Variants in AK8 observed in about 807,000 individuals in gnomAD.
AK8 encodes adenylate kinase 8.
AK8 carries 44 observed loss-of-function variants against 54.6 expected under a neutral mutation model. That is an observed-to-expected ratio of 0.81 (90% CI 0.63 to 1.04). The LOEUF is 1.04. Among genes scored for constraint, AK8 ranks in the 50% least tolerant of loss-of-function variants. AK8 has a pLI of 0.00. For missense variants in AK8, 555 were observed against 613.6 expected (o/e 0.90, Z 1.01); for synonymous variants, 239 against 245.6 (o/e 0.97, Z 0.25).
chr9:132,834,916 C>G (rs1318768961), intron 5 of AK8, among the ~76,000 whole-genome samples: 1 of 150,928 alleles, frequency 6.6e-6, no homozygotes, highest in East Asian at 1.9e-4. Flanking sequence ...GCCCAGACTG[C>G]TGGAGTGCAA....
chr9:132,802,318 G>A (rs1440072160), intron 10 of AK8, among the ~76,000 whole-genome samples: 1 of 152,236 alleles, frequency 6.6e-6, no homozygotes, highest in African/African-American at 2.4e-5. Flanking sequence ...CCCAGGGCAG[G>A]GGGCGGGAGG....
At chr9:132,838,016 C>T (rs1476471664) in intron 5 of AK8, among the ~76,000 whole-genome samples, 3 of 152,214 alleles carry the variant, frequency 2.0e-5, no homozygotes. Flanking sequence ...AGGCAAGTGA[C>T]ATCTATAAAC....
At chr9:132,754,752 A>G (rs764121497) in intron 11 of AK8, among the ~76,000 whole-genome samples, 67 of 151,896 alleles carry the variant, frequency 4.4e-4, no homozygotes, top group South Asian at 1.5e-3. Context: ...AACTACTTAA[A>G]GAAAAAGGCC....
chr9:132,726,547 C>T (rs1184254509), intron 12 of AK8, among the ~76,000 whole-genome samples: 7 of 152,142 alleles, frequency 4.6e-5, no homozygotes, highest in African/African-American at 1.7e-4. Flanking sequence ...GGATTACAGG[C>T]GTGAGCCACC....
intron 2 of AK8, among the ~76,000 whole-genome samples, chr9:132,869,887 G>A (rs17149881): frequency 0.097 from 14,741 of 151,908 alleles, 1,405 homozygotes; most frequent in African/African-American, 0.24. Flanking sequence ...TGGAGAGAGC[G>A]CCTGCTTGGC....
chr9:132,869,004 C>A (rs1843703658), intron 2 of AK8, among the ~76,000 whole-genome samples: 1 of 152,092 alleles, frequency 6.6e-6, no homozygotes, highest in African/African-American at 2.4e-5. Flanking sequence ...CATGGTGAAA[C>A]CCCATCTCTA....
At chr9:132,819,414 C>T (rs1252156232) in intron 9 of AK8, among the ~76,000 whole-genome samples, 1 of 152,138 alleles carries the variant, frequency 6.6e-6, no homozygotes, top group African/African-American at 2.4e-5. Context: ...GAACCAATCC[C>T]CCATGGATAC....
intron 5 of AK8, among the ~76,000 whole-genome samples, chr9:132,841,883 TCTC>T (rs1390988492): frequency 2.0e-5 from 3 of 151,710 alleles, no homozygotes; most frequent in Non-Finnish European, 4.4e-5. Context: ...AGACAGAAAA[TCTC>T]CTGGCATAGG....
chr9:132,819,443 A>G (rs1362165746), intron 9 of AK8, among the ~76,000 whole-genome samples: 1 of 152,238 alleles, frequency 6.6e-6, no homozygotes, highest in Admixed American at 6.5e-5. Flanking sequence ...GACAGTATGC[A>G]CTTAATGACA....
At chr9:132,745,073 C>G (rs1401063448) in intron 11 of AK8, among the ~76,000 whole-genome samples, 1 of 152,202 alleles carries the variant, frequency 6.6e-6, no homozygotes, top group Non-Finnish European at 1.5e-5. Context: ...ATTTCCCCTT[C>G]TTCCATTGCC....
At chr9:132,778,071 C>T (rs150166999) in intron 11 of AK8, among the ~76,000 whole-genome samples, 80 of 152,340 alleles carry the variant, frequency 5.3e-4, no homozygotes, top group African/African-American at 1.8e-3. Context: ...CAGTCAGCTG[C>T]ATGGGGGCTT....
chr9:132,733,801 T>C (rs898719147), intron 11 of AK8, among the ~76,000 whole-genome samples: 1 of 152,196 alleles, frequency 6.6e-6, no homozygotes, highest in Non-Finnish European at 1.5e-5. Context: ...AAGCAAAGAA[T>C]ACTCAAAACA....
At chr9:132,745,927 C>T (rs1257403809) in intron 11 of AK8, among the ~76,000 whole-genome samples, 2 of 152,166 alleles carry the variant, frequency 1.3e-5, no homozygotes, top group Non-Finnish European at 2.9e-5. Flanking sequence ...AGAGCAAATG[C>T]ACCCTCCCCA....
At chr9:132,868,358 T>A (rs1160258246) in intron 2 of AK8, among the ~76,000 whole-genome samples, 1 of 152,176 alleles carries the variant, frequency 6.6e-6, no homozygotes, top group Non-Finnish European at 1.5e-5. Context: ...TTGGAGGAAG[T>A]CAAGGTAACT....
At chr9:132,747,118 A>G (rs975110499) in intron 11 of AK8, among the ~76,000 whole-genome samples, 46 of 152,282 alleles carry the variant, frequency 3.0e-4, no homozygotes, top group African/African-American at 1.1e-3. Context: ...TGCAAGTGTA[A>G]AGATATATGG....
At chr9:132,783,575 T>TA (rs778604551) in intron 11 of AK8, among the ~76,000 whole-genome samples, 5,474 of 123,908 alleles carry the variant, frequency 0.044, 263 homozygotes, top group African/African-American at 0.13. Context: ...GCATAAAAGT[T>TA]AAAAAAAAAA....
intron 11 of AK8, among the ~76,000 whole-genome samples, chr9:132,729,167 G>A (rs573583793): frequency 6.6e-6 from 1 of 152,192 alleles, no homozygotes; most frequent in South Asian, 2.1e-4. Context: ...TTACAGGCAT[G>A]AGCCACCATA....
chr9:132,729,819 C>G (rs1250541384), intron 11 of AK8, among the ~76,000 whole-genome samples: 1 of 152,104 alleles, frequency 6.6e-6, no homozygotes, highest in Non-Finnish European at 1.5e-5. Flanking sequence ...CCCTGTGCAC[C>G]CAAAGCCTTG....
intron 11 of AK8, among the ~76,000 whole-genome samples, chr9:132,754,021 G>A (rs988593482): frequency 9.9e-5 from 15 of 152,160 alleles, no homozygotes; most frequent in South Asian, 2.1e-4. Context: ...GCTCTTTGCC[G>A]TCACACCACA....
Sources: gnomAD v4.1 joint callset for allele counts (sites outside exome capture counted in the v4.1 genomes callset) on GRCh38, gnomAD v4.1.1 for gene constraint, MANE v1.5 for transcripts, NCBI Gene and HGNC (gene_info 2026-07-23, HGNC 2026-07-21) for gene names.